The following KLHL24 variants were observed in gnomAD, a reference collection of about 807,000 sequenced individuals.
The protein encoded by KLHL24 is kelch like family member 24, also known as kelch-like protein 24.
KLHL24 carries 29 observed loss-of-function variants against 53.4 expected under a neutral mutation model. That is an observed-to-expected ratio of 0.54 (90% confidence interval 0.40 to 0.74). The LOEUF is 0.74. Among genes scored for constraint, KLHL24 ranks in the 30% least tolerant of loss-of-function variants. The pLI is 0.00. For synonymous variants in KLHL24, 222 were observed against 253.7 expected (o/e 0.88, Z 1.19); for missense variants, 504 against 744.0 (o/e 0.68, Z 3.75).
intron 1 of KLHL24, among the ~76,000 whole-genome samples, chr3:183,637,246 A>G (rs1302188963): frequency 2.6e-5 from 4 of 152,166 alleles, no homozygotes; most frequent in Non-Finnish European, 5.9e-5. Flanking sequence ...GTTGGTTTTT[A>G]TTAGGGTTGT....
chr3:183,670,975 A>G (rs1052249977), intron 5 of KLHL24, 59 bp from the exon 6 acceptor site: 6 of 1,208,276 alleles, frequency 5.0e-6, no homozygotes, highest in Non-Finnish European at 7.2e-6. Flanking sequence ...TTCTTTAGCC[A>G]ACTACTTCAA....
chr3:183,636,975 TTAAC>T, intron 1 of KLHL24, among the ~76,000 whole-genome samples: 1 of 152,266 alleles, frequency 6.6e-6, no homozygotes, highest in East Asian at 1.9e-4. Flanking sequence ...TTAACACCCT[TTAAC>T]TAGTGTCGCG....
chr3:183,652,075 G>A (rs1218279201), intron 3 of KLHL24, among the ~76,000 whole-genome samples: 2 of 152,124 alleles, frequency 1.3e-5, no homozygotes, highest in Non-Finnish European at 2.9e-5. Context: ...TAAAATCCAG[G>A]CCTCAAATAT....
Position 183,682,347 on chromosome 3 carries a change from G to A in KLHL24, c.*3061G>A, listed in dbSNP as rs991539185. 4.6e-5 allele frequency: 7 copies of A among 152,222 alleles called. No individual in the cohort carries two copies. Among genetic ancestry groups the A allele is most frequent in the Non-Finnish European group, 8.8e-5 (6 of 67,972 alleles). The allele number at this position is 152,222 out of a possible 1,614,324, so 9.4% of individuals were successfully genotyped here. On this transcript the variant is annotated 3_prime_UTR_variant, in exon 8 of 8. Transcript: ENST00000242810. The stretch of plus-strand genomic sequence containing the variant: ...CAGTAGAACTTCCTCCTTTTCTACT[G>A]TAATCTTCCCACTGACTTTACTGCA...
At chr3:183,649,918 A>G (rs1717890092) in intron 2 of KLHL24, among the ~76,000 whole-genome samples, 1 of 152,032 alleles carries the variant, frequency 6.6e-6, no homozygotes, top group Non-Finnish European at 1.5e-5. Context: ...ATTCTTAAAA[A>G]GAAAGATAAC....
intron 7 of KLHL24, among the ~76,000 whole-genome samples, chr3:183,677,942 C>T (rs984902795): frequency 1.3e-5 from 2 of 152,088 alleles, no homozygotes; most frequent in African/African-American, 4.8e-5. Flanking sequence ...CAAGCACCCC[C>T]CACCACGTCC....
intron 7 of KLHL24, among the ~76,000 whole-genome samples, chr3:183,676,010 A>G (rs1160593785): frequency 6.6e-6 from 1 of 152,214 alleles, no homozygotes; most frequent in Non-Finnish European, 1.5e-5. Context: ...TAGAAATTTA[A>G]AGAAAATAAA....
intron 3 of KLHL24, among the ~76,000 whole-genome samples, chr3:183,660,757 C>T (rs1446046691): frequency 6.6e-6 from 1 of 152,014 alleles, no homozygotes; most frequent in Admixed American, 6.6e-5. Context: ...ACTGTGTCCT[C>T]ACCAAGTTTA....
At chr3:183,653,521 C>A (rs573140758) in intron 3 of KLHL24, among the ~76,000 whole-genome samples, 297 of 152,308 alleles carry the variant, frequency 1.9e-3, no homozygotes, top group Admixed American at 3.3e-3. Flanking sequence ...GCGGGGAAAC[C>A]AGGCTTGCAG....
chr3:183,674,083 TA>T (rs1229996710), intron 7 of KLHL24, among the ~76,000 whole-genome samples: 1 of 152,174 alleles, frequency 6.6e-6, no homozygotes, highest in Non-Finnish European at 1.5e-5. Context: ...TTTCTTCTCT[TA>T]AATTGAATTA....
chr3:183,640,690 C>T (rs1716278799), intron 1 of KLHL24, among the ~76,000 whole-genome samples: 1 of 151,104 alleles, frequency 6.6e-6, no homozygotes. Flanking sequence ...ACCTCCGCCT[C>T]CTGGGTTCAA....
At chr3:183,635,995 G>T (rs1715069130) in intron 1 of KLHL24, among the ~76,000 whole-genome samples, 1 of 152,162 alleles carries the variant, frequency 6.6e-6, no homozygotes, top group African/African-American at 2.4e-5. Flanking sequence ...CCGCTTGGTA[G>T]CTACAGCCCT....
intron 6 of KLHL24, 63 bp downstream of exon 6, chr3:183,671,285 T>G: frequency 6.9e-7 from 1 of 1,449,678 alleles, no homozygotes; most frequent in Non-Finnish European, 9.4e-7. Context: ...TACAGAAGGC[T>G]TATCAAGTAG....
intron 3 of KLHL24, among the ~76,000 whole-genome samples, chr3:183,653,307 A>G (rs1718386716): frequency 6.6e-6 from 1 of 152,198 alleles, no homozygotes; most frequent in South Asian, 2.1e-4. Flanking sequence ...CCTTACATTT[A>G]TCTTTCACTT....
rs749025206 is a variant in KLHL24 at position 183,650,362 on chromosome 3, A to G, written c.6A>G (p.Val2=). Reference sequence around the variant, plus strand: ...TATAGTCAACTGATGTAACAATGGTACTAATATTGGGACGCAGACTAAACA... The same window carrying G: ...TATAGTCAACTGATGTAACAATGGTGCTAATATTGGGACGCAGACTAAACA... The part of the protein sequence containing the change: M[V]LILGRRLNRE... The change falls in exon 3 of 8, where the codon GTA becomes GTG. Residue 2 remains valine (V), a synonymous_variant. Coordinates refer to ENST00000242810, the MANE Select transcript of KLHL24 (RefSeq NM_017644.3). This position sits in a 1 kb window ranked among gnomAD's most constrained non-coding sequence, Gnocchi z 4.5. 1.2e-6 allele frequency: 2 copies of G among 1,610,776 alleles called. No individual in the cohort carries two copies. Among genetic ancestry groups the G allele is most frequent in the Non-Finnish European group, 1.7e-6 (2 of 1,177,376 alleles).
intron 3 of KLHL24, among the ~76,000 whole-genome samples, chr3:183,659,834 A>T (rs1290033440): frequency 6.6e-6 from 1 of 152,366 alleles, no homozygotes; most frequent in South Asian, 2.1e-4. Context: ...TAGCCAGACA[A>T]CATTTTGTGG....
intron 3 of KLHL24, among the ~76,000 whole-genome samples, chr3:183,654,613 G>A (rs1039357616): frequency 3.8e-4 from 57 of 151,820 alleles, no homozygotes; most frequent in African/African-American, 1.2e-3. Flanking sequence ...TATCTAATAC[G>A]CAATCTGTAT....
chr3:183,640,664 A>G (rs548846078), intron 1 of KLHL24, among the ~76,000 whole-genome samples: 1 of 142,924 alleles, frequency 7.0e-6, no homozygotes, highest in African/African-American at 2.6e-5. Flanking sequence ...TGATGGTGCC[A>G]TCTTGGCTCA....
chr3:183,679,028 G>A, intron 7 of KLHL24, 58 bp from the exon 8 acceptor site: 2 of 1,412,636 alleles, frequency 1.4e-6, no homozygotes, highest in Admixed American at 3.4e-5. Context: ...TTTTCTGTTT[G>A]TTACCAAATC....
Sources: allele counts gnomAD v4.1 joint callset (sites outside exome capture counted in the v4.1 genomes callset), GRCh38; gene constraint gnomAD v4.1.1; non-coding constraint Gnocchi (gnomAD v3.1); transcripts MANE v1.5; gene names NCBI Gene and HGNC (gene_info 2026-07-23, HGNC 2026-07-21).